Variants in CCDC138 observed in about 807,000 individuals in gnomAD.
CCDC138 encodes the protein coiled-coil domain-containing protein 138.
In CCDC138, 66 loss-of-function variants were observed where a neutral mutation model predicts 82.3. That is an observed-to-expected ratio of 0.80 (90% CI 0.66 to 0.98). CCDC138 has a LOEUF of 0.98. Ranked by LOEUF, CCDC138 falls within the 50% of genes least tolerant of loss-of-function variation. CCDC138 has a pLI of 0.00. For synonymous variants in CCDC138, 297 were observed against 265.4 expected (o/e 1.12, Z -1.16); for missense variants, 816 against 758.9 (o/e 1.08, Z -0.88).
chr2:108,851,994 C>T (rs114153310), intron 12 of CCDC138, among the ~76,000 whole-genome samples: 2,313 of 152,208 alleles, frequency 0.015, 29 homozygotes, highest in Middle Eastern at 0.041. Flanking sequence ...TTGCTGAAGC[C>T]TACCTTCTTA....
intron 6 of CCDC138, among the ~76,000 whole-genome samples, chr2:108,801,809 G>T (rs1392175476): frequency 9.8e-5 from 2 of 20,310 alleles, no homozygotes; most frequent in Non-Finnish European, 3.0e-4. Context: ...TTTTGTATAA[G>T]GTGTAAGGAA....
At chr2:108,829,219 C>T (rs1483372554) in intron 10 of CCDC138, among the ~76,000 whole-genome samples, 1 of 152,090 alleles carries the variant, frequency 6.6e-6, no homozygotes, top group Non-Finnish European at 1.5e-5. Flanking sequence ...GAAATATTAG[C>T]AAATTGTGTA....
intron 9 of CCDC138, among the ~76,000 whole-genome samples, chr2:108,814,119 C>T (rs553671273): frequency 6.6e-6 from 1 of 152,282 alleles, no homozygotes; most frequent in Non-Finnish European, 1.5e-5. Context: ...ACTACAATTT[C>T]TGGGTCATAA....
intron 1 of CCDC138, 143 bp from the exon 2 acceptor site, chr2:108,787,889 A>T: frequency 1.5e-6 from 1 of 669,280 alleles, no homozygotes; most frequent in Non-Finnish European, 2.4e-6. Context: ...TGATGATATT[A>T]GTTTTGATCA....
intron 4 of CCDC138, among the ~76,000 whole-genome samples, chr2:108,793,887 C>T (rs1167418695): frequency 3.3e-5 from 5 of 151,896 alleles, no homozygotes; most frequent in Non-Finnish European, 4.4e-5. Context: ...TAGGCGTGAG[C>T]CACCGCGCCC....
intron 13 of CCDC138, among the ~76,000 whole-genome samples, chr2:108,870,380 G>T (rs1171419347): frequency 6.6e-6 from 1 of 152,180 alleles, no homozygotes; most frequent in African/African-American, 2.4e-5. Context: ...CCATCAGGCA[G>T]ACCAGTTGAT....
chr2:108,871,713 T>C (rs1039253510), intron 13 of CCDC138, among the ~76,000 whole-genome samples: 2 of 152,222 alleles, frequency 1.3e-5, no homozygotes, highest in African/African-American at 4.8e-5. Context: ...CTACACAGAA[T>C]TGATTGACTT....
intron 6 of CCDC138, among the ~76,000 whole-genome samples, chr2:108,800,165 CCTT>C (rs1272930996): frequency 6.6e-6 from 1 of 152,090 alleles, no homozygotes; most frequent in Non-Finnish European, 1.5e-5. Context: ...ATATTCAAGA[CCTT>C]CTGGTTAATG....
Position 108,789,020 on chromosome 2 carries a change from G to C in CCDC138, c.266+54G>C. 6 of 1,592,064 alleles carry C rather than the reference G, an allele frequency of 3.8e-6. No homozygotes were observed. In the South Asian group the frequency reaches 5.6e-5, roughly 15 times the overall value. ...TACCCCCTCAGTATCTCAAAAAACT[G>C]AGAAAGAGAAAAGGGCAGGTTATAT... On this transcript the variant is annotated intron_variant, in intron 3 of 14. Transcript: ENST00000295124.
At chr2:108,789,006 T>C (rs755085444) in intron 3 of CCDC138, 40 bp downstream of exon 3, 6 of 1,606,668 alleles carry the variant, frequency 3.7e-6, no homozygotes, top group Non-Finnish European at 4.3e-6. Flanking sequence ...ACCCCCTCAG[T>C]ATCTCAAAAA....
At chr2:108,883,396 A>G (rs1001539172) in intron 2 of CCDC138, 14 of 152,210 alleles carry the variant, frequency 9.2e-5, no homozygotes, top group African/African-American at 3.4e-4. Flanking sequence ...CTTTTCAGAC[A>G]TTGCCTCTTT....
At chr2:108,868,934 T>C (rs957391275) in intron 13 of CCDC138, among the ~76,000 whole-genome samples, 4 of 152,174 alleles carry the variant, frequency 2.6e-5, no homozygotes, top group African/African-American at 9.7e-5. Flanking sequence ...TCTATTTGAT[T>C]AAGCTATAAG....
At chr2:108,842,202 GTTTT>G (rs11330697) in intron 11 of CCDC138, among the ~76,000 whole-genome samples, 1 of 142,154 alleles carries the variant, frequency 7.0e-6, no homozygotes, top group Non-Finnish European at 1.5e-5. Context: ...TAATTAAAAA[GTTTT>G]TTTTTTTTTT....
chr2:108,786,990 G>A (rs1678924485), intron 1 of CCDC138, 75 bp downstream of exon 1: 4 of 1,021,740 alleles, frequency 3.9e-6, no homozygotes, highest in Non-Finnish European at 5.2e-6. Flanking sequence ...CCGCGCAGCC[G>A]GCCTGGGGGC....
At chr2:108,815,832 G>T in intron 9 of CCDC138, 109 bp from the exon 10 acceptor site, 1 of 900,178 alleles carries the variant, frequency 1.1e-6, no homozygotes, top group Non-Finnish European at 1.7e-6. Flanking sequence ...ACACATTTTA[G>T]TGAATTACTT....
chr2:108,786,768 G>A, upstream of CCDC138: 2 of 1,486,876 alleles, frequency 1.3e-6, no homozygotes, highest in Non-Finnish European at 1.8e-6. Context: ...GCCGCGTAGC[G>A]CCGCGGGTTT....
chr2:108,821,933 A>AC (rs1389512352), intron 10 of CCDC138, among the ~76,000 whole-genome samples: 4 of 151,696 alleles, frequency 2.6e-5, no homozygotes, highest in Admixed American at 2.0e-4. Flanking sequence ...TGTCTCAAAA[A>AC]AAAAAAAAAA....
chr2:108,846,709 T>A, intron 11 of CCDC138, 29 bp from the exon 12 acceptor site: 1 of 1,561,910 alleles, frequency 6.4e-7, no homozygotes. Context: ...CATGAATAAA[T>A]ATACTAAGAT....
intron 13 of CCDC138, among the ~76,000 whole-genome samples, chr2:108,866,525 G>A (rs1426367426): frequency 2.0e-5 from 3 of 152,116 alleles, no homozygotes; most frequent in Non-Finnish European, 4.4e-5. Context: ...CCATGTACAG[G>A]TACAAGCATT....
Sources: gnomAD v4.1 joint callset for allele counts (sites outside exome capture counted in the v4.1 genomes callset) on GRCh38, gnomAD v4.1.1 for gene constraint, MANE v1.5 for transcripts, NCBI Gene and HGNC (gene_info 2026-07-23, HGNC 2026-07-21) for gene names.